The following BEND2 variants were observed in gnomAD, a reference collection of about 807,000 sequenced individuals.
BEND2 encodes the protein BEN domain-containing protein 2.
Under a neutral mutation model 43.8 loss-of-function variants are expected in BEND2, and 19 were observed. The ratio of observed to expected loss-of-function variants is 0.43; its 90% CI spans 0.30 to 0.64. The LOEUF (loss-of-function observed/expected upper bound fraction) is 0.64. BEND2 is among the 30% of genes least tolerant of loss of function. BEND2 has a pLI of 0.11. For missense variants in BEND2, 544 were observed against 574.0 expected (o/e 0.95, Z 0.53); for synonymous variants, 226 against 210.1 (o/e 1.08, Z -0.66).
Position 18,216,561 on chromosome X carries a change from G to T in BEND2, c.198C>A (p.Gly66=). 8.3e-7 allele frequency: 1 copy of T among 1,208,537 alleles called. No individual in the cohort carries two copies. Among genetic ancestry groups the T allele is most frequent in the Non-Finnish European group, 1.1e-6 (1 of 892,858 alleles). ...GTGGACGGTGATGGCCATCATTGCC[G>T]CCTGGAAAATTTGGTTGTGTGGCTG... is the stretch of plus-strand genomic sequence containing the variant. ...DDTATQPNFP[G]GNDGHHRPLQ... Residue 66 remains glycine, a synonymous_variant, in exon 2 of 14, where the codon GGC becomes GGA. Coordinates refer to ENST00000380033, the MANE Select transcript of BEND2 (RefSeq NM_153346.5).
intron 7 of BEND2, among the ~76,000 whole-genome samples, chrX:18,192,594 G>T (rs191894513): frequency 5.4e-5 from 6 of 112,123 alleles, no homozygotes; most frequent in Admixed American, 4.7e-4. Flanking sequence ...TGCACTCTTG[G>T]ACATTTATCC....
At chrX:18,192,657 G>A (rs141364819) in intron 7 of BEND2, among the ~76,000 whole-genome samples, 2 of 112,313 alleles carry the variant, frequency 1.8e-5, no homozygotes, top group African/African-American at 3.2e-5. Flanking sequence ...AGTGGTCATC[G>A]CAACTTTACT....
chrX:18,200,502 CAAAAAAAAAAAA>C (rs397895069), intron 6 of BEND2, among the ~76,000 whole-genome samples: 2 of 38,654 alleles, frequency 5.2e-5, no homozygotes, highest in Non-Finnish European at 4.8e-5. Context: ...GACTCTGTCT[CAAAAAAAAAAAA>C]AAAAAAAAGA....
intron 8 of BEND2, among the ~76,000 whole-genome samples, chrX:18,189,542 C>G (rs1924688095): frequency 9.0e-6 from 1 of 110,562 alleles, no homozygotes; most frequent in Non-Finnish European, 1.9e-5. Context: ...GGATTTATCC[C>G]AGGGATTCAA....
At chrX:18,195,474 A>C in intron 6 of BEND2, 32 bp from the exon 7 acceptor site, 1 of 1,137,387 alleles carries the variant, frequency 8.8e-7, no homozygotes, top group Non-Finnish European at 1.2e-6. Flanking sequence ...GCTCAATCAT[A>C]AATTCTACAT....
chrX:18,187,475 G>C (rs1368265367), intron 8 of BEND2, among the ~76,000 whole-genome samples: 2 of 111,585 alleles, frequency 1.8e-5, no homozygotes, highest in Non-Finnish European at 3.8e-5. Context: ...ACCCAACACT[G>C]GTGTACCCAC....
At chrX:18,181,108 G>C (rs1386045262) in intron 8 of BEND2, among the ~76,000 whole-genome samples, 2 of 111,110 alleles carry the variant, frequency 1.8e-5, no homozygotes, top group Non-Finnish European at 3.8e-5. Flanking sequence ...ATGATAGAAG[G>C]AACAGTGGCA....
At chrX:18,191,947 TA>T (rs1194518188) in intron 7 of BEND2, among the ~76,000 whole-genome samples, 1 of 112,311 alleles carries the variant, frequency 8.9e-6, no homozygotes, top group African/African-American at 3.2e-5. Context: ...TTATTTATTA[TA>T]ACTGCATGTG....
At chrX:18,218,638 G>A (rs1211857798) in intron 1 of BEND2, among the ~76,000 whole-genome samples, 4 of 112,333 alleles carry the variant, frequency 3.6e-5, no homozygotes, top group Non-Finnish European at 7.5e-5. Flanking sequence ...CGAGGCGGGC[G>A]GATCACTTGG....
chrX:18,196,206 A>G (rs1924945168), intron 6 of BEND2, among the ~76,000 whole-genome samples: 2 of 108,455 alleles, frequency 1.8e-5, no homozygotes, highest in South Asian at 8.5e-4. Context: ...GGCTGAGGCA[A>G]GAGAACTGCT....
chrX:18,210,996 T>C (rs1175987413), intron 4 of BEND2, among the ~76,000 whole-genome samples: 8 of 111,859 alleles, frequency 7.2e-5, no homozygotes, highest in Admixed American at 9.6e-5. Flanking sequence ...ATATTAATAA[T>C]TGTAAACAAA....
chrX:18,218,918 C>G (rs947883927), intron 1 of BEND2, among the ~76,000 whole-genome samples: 1 of 112,071 alleles, frequency 8.9e-6, no homozygotes, highest in African/African-American at 3.2e-5. Context: ...ATTATACTAC[C>G]AAGGCGCAAG....
rs769248886 is a variant in BEND2, at chrX:18,203,569, G to C, written c.839C>G (p.Ala280Gly). The C allele has an allele frequency of 2.5e-6, 3 of 1,211,200 alleles. No individual in the cohort carries two copies. In the South Asian group the frequency reaches 5.3e-5, roughly 21 times the overall value. Residue 280 changes from alanine (A) to glycine (G), a missense_variant, in exon 5 of 14, where the codon GCT becomes GGT. Physicochemically the swap from Ala to Gly is moderately conservative, Grantham distance 60. This residue lies in a region of BEND2 where 501 missense variants were observed against 501.6 expected (regional missense o/e 1.00). Coordinates refer to ENST00000380033, the MANE Select transcript of BEND2 (RefSeq NM_153346.5). ...ANNPGVVNYS[A>G]LPENENVGPG... ...GCCCACATTTTCATTTTCTGGTAGA[G>C]CAGAGTAATTCACCACACCAGGGTT...
rs138340612 is a variant in BEND2, at chrX:18,179,915, G to A, written c.1429+595C>T. Among the ~76,000 whole-genome samples the A allele has an allele frequency of 8.6e-3, 967 of 112,429 alleles. 11 individuals carry two copies. The highest frequency in any genetic ancestry group is 0.029 in the African/African-American group (888 of 31,000). On this transcript the variant is annotated intron_variant, in intron 9 of 13. Coordinates refer to ENST00000380033, the MANE Select transcript of BEND2 (RefSeq NM_153346.5). ...CTTTAGGCCAGTTACGGTGGCTCAT[G>A]CCTGTAATCCTAGCACTTTGGGAGG...
intron 4 of BEND2, among the ~76,000 whole-genome samples, chrX:18,205,019 T>G (rs144743588): frequency 0.018 from 2,043 of 111,313 alleles, 45 homozygotes; most frequent in African/African-American, 0.062. Context: ...CTTCAAACAT[T>G]TTAAAATCAT....
chrX:18,214,980 T>C (rs2147438135), intron 2 of BEND2, among the ~76,000 whole-genome samples: 1 of 110,914 alleles, frequency 9.0e-6, no homozygotes, highest in South Asian at 3.8e-4. Flanking sequence ...TTAAGCAATT[T>C]TGTGTGTCAT....
intron 13 of BEND2, among the ~76,000 whole-genome samples, chrX:18,166,823 G>A (rs1275658770): frequency 1.8e-5 from 2 of 110,441 alleles, no homozygotes; most frequent in African/African-American, 6.6e-5. Context: ...CCGGGAAGTC[G>A]AGTCTGCAGT....
At position 18,171,210 on chromosome X, in the gene BEND2, A is replaced by C; in HGVS notation, c.1982-6T>G. The stretch of plus-strand genomic sequence containing the variant: ...CCATGGTCTTCCAAAATAGCCTAGA[A>C]GCAAAAAAGAAAGATGTCAATTTTC... On this transcript the variant is annotated splice_region_variant and splice_polypyrimidine_tract_variant and intron_variant, in intron 12 of 13. Coordinates refer to ENST00000380033, the MANE Select transcript of BEND2 (RefSeq NM_153346.5). 1.7e-6 allele frequency: 2 copies of C among 1,191,606 alleles called. No individual in the cohort carries two copies. Among genetic ancestry groups the C allele is most frequent in the Non-Finnish European group, 2.3e-6 (2 of 879,647 alleles).
chrX:18,204,052 G>T, intron 4 of BEND2, 137 bp from the exon 5 acceptor site: 2 of 505,677 alleles, frequency 4.0e-6, no homozygotes, highest in Non-Finnish European at 6.1e-6. Context: ...CCCAGTATAA[G>T]TCAACTGTAA....
Sources: allele counts gnomAD v4.1 joint callset (sites outside exome capture counted in the v4.1 genomes callset), GRCh38; gene constraint gnomAD v4.1.1; regional missense constraint gnomAD v4.1.1; transcripts MANE v1.5; gene names NCBI Gene and HGNC (gene_info 2026-07-23, HGNC 2026-07-21).